MEGF11: variants seen among roughly 807,000 people sequenced by gnomAD.
The protein encoded by MEGF11 is multiple EGF like domains 11.
In MEGF11, 126 loss-of-function variants were observed where a neutral mutation model predicts 146.6. The ratio of observed to expected loss-of-function variants is 0.86; its 90% CI spans 0.74 to 1.00. The LOEUF is 1.00. Ranked by LOEUF, MEGF11 falls within the 50% of genes least tolerant of loss-of-function variation. The pLI is 0.00. For synonymous variants in MEGF11, 532 were observed against 583.4 expected (o/e 0.91, Z 1.27); for missense variants, 1,509 against 1,521.2 (o/e 0.99, Z 0.13).
At chr15:66,102,903 A>G (rs567293766) in intron 4 of MEGF11, among the ~76,000 whole-genome samples, 2 of 152,336 alleles carry the variant, frequency 1.3e-5, no homozygotes, top group South Asian at 4.1e-4. Flanking sequence ...GGATAATAAG[A>G]GCTGACACTC....
chr15:66,023,483 C>T (rs530642459), intron 5 of MEGF11, among the ~76,000 whole-genome samples: 1 of 152,202 alleles, frequency 6.6e-6, no homozygotes, highest in Admixed American at 6.5e-5. Flanking sequence ...GGTGTGAGGA[C>T]GTCAGCCAAG....
At position 66,127,449 on chromosome 15, in the gene MEGF11, G is replaced by T. The variant is rs1236558638; in HGVS notation, c.98+857C>A. The stretch of plus-strand genomic sequence containing the variant: ...GGTGCCTTTCCCTGCCCTAGGGCTG[G>T]GCTATCCACCCTCATGGGCATGAAG... On this transcript the variant is annotated intron_variant, in intron 2 of 25. Coordinates refer to ENST00000395614, the MANE Select transcript of MEGF11 (RefSeq NM_001385028.1). 2.0e-5 allele frequency among the ~76,000 whole-genome samples: 3 copies of T among 152,156 alleles called. No individual in the cohort carries two copies. The East Asian group carries it at 5.8e-4, about 29-fold the overall frequency.
chr15:66,205,785 G>GC (rs1025983136), intron 1 of MEGF11, among the ~76,000 whole-genome samples: 6 of 152,298 alleles, frequency 3.9e-5, no homozygotes, highest in Admixed American at 2.0e-4. Context: ...TAACAAAGCA[G>GC]CCCCACCTCC....
At chr15:65,976,896 A>G (rs910466854) in intron 7 of MEGF11, among the ~76,000 whole-genome samples, 6 of 152,214 alleles carry the variant, frequency 3.9e-5, no homozygotes, top group African/African-American at 1.2e-4. Flanking sequence ...GCTCATGCCT[A>G]TACTCCCAGC....
chr15:65,924,229 C>A (rs2079280168), intron 13 of MEGF11, among the ~76,000 whole-genome samples: 1 of 151,950 alleles, frequency 6.6e-6, no homozygotes. Flanking sequence ...GAGGGAGATG[C>A]AACAGGCTTT....
At chr15:66,004,427 T>C (rs1238477466) in intron 5 of MEGF11, among the ~76,000 whole-genome samples, 1 of 13,488 alleles carries the variant, frequency 7.4e-5, no homozygotes, top group Non-Finnish European at 3.7e-4. Context: ...TTTTGTAATA[T>C]TTTCTTTTCT....
At chr15:65,931,281 G>A (rs909676313) in intron 10 of MEGF11, among the ~76,000 whole-genome samples, 3 of 152,168 alleles carry the variant, frequency 2.0e-5, no homozygotes, top group Admixed American at 6.5e-5. Context: ...AAGGGGCCAC[G>A]AGCTGAGGAA....
At chr15:66,166,532 C>T (rs1331974747) in intron 1 of MEGF11, among the ~76,000 whole-genome samples, 1 of 152,160 alleles carries the variant, frequency 6.6e-6, no homozygotes, top group Non-Finnish European at 1.5e-5. Flanking sequence ...CATTCACAAC[C>T]GGGATAAACC....
intron 1 of MEGF11, among the ~76,000 whole-genome samples, chr15:66,144,237 G>A (rs1403129458): frequency 6.6e-6 from 1 of 152,134 alleles, no homozygotes; most frequent in Non-Finnish European, 1.5e-5. Context: ...CTAGGTGTGG[G>A]TGGAGCTGGG....
intron 1 of MEGF11, among the ~76,000 whole-genome samples, chr15:66,216,726 T>C (rs772007633): frequency 1.3e-5 from 2 of 152,150 alleles, no homozygotes; most frequent in Admixed American, 6.6e-5. Flanking sequence ...AATGGACGTA[T>C]CTCAGGCTGG....
At chr15:66,121,227 G>A (rs1283173171) in intron 3 of MEGF11, among the ~76,000 whole-genome samples, 2 of 152,186 alleles carry the variant, frequency 1.3e-5, no homozygotes, top group Non-Finnish European at 2.9e-5. Context: ...AGCAAACTTG[G>A]CTCTCCCACT....
intron 4 of MEGF11, among the ~76,000 whole-genome samples, chr15:66,110,849 G>A (rs1296135829): frequency 1.3e-5 from 2 of 152,028 alleles, no homozygotes; most frequent in Non-Finnish European, 2.9e-5. Flanking sequence ...CACCCCCCAT[G>A]CCCTCTTGGC....
chr15:66,137,301 T>C (rs1269006743), intron 1 of MEGF11, among the ~76,000 whole-genome samples: 2 of 152,164 alleles, frequency 1.3e-5, no homozygotes, highest in Admixed American at 1.3e-4. Context: ...ATCACTATAG[T>C]CAGAAAAGCA....
chr15:66,016,478 AG>A (rs1204234732), intron 5 of MEGF11, among the ~76,000 whole-genome samples: 2 of 79,960 alleles, frequency 2.5e-5, no homozygotes, highest in East Asian at 7.6e-4. Flanking sequence ...CCATCCATTC[AG>A]TTTTTTTTTT....
At chr15:66,201,097 G>A (rs2091146530) in intron 1 of MEGF11, among the ~76,000 whole-genome samples, 1 of 152,232 alleles carries the variant, frequency 6.6e-6, no homozygotes, top group Non-Finnish European at 1.5e-5. Flanking sequence ...GGTCTCCAAA[G>A]GACCAGCCCT....
intron 3 of MEGF11, 36 bp downstream of exon 3, chr15:66,123,863 C>A (rs769043607): frequency 1.3e-5 from 21 of 1,571,690 alleles, no homozygotes. Flanking sequence ...AGCCCAGTGC[C>A]TTTTCCCTGC....
intron 1 of MEGF11, among the ~76,000 whole-genome samples, chr15:66,134,830 G>A (rs1033272286): frequency 1.6e-4 from 24 of 152,272 alleles, no homozygotes; most frequent in African/African-American, 5.5e-4. Flanking sequence ...CAGAACTGGT[G>A]CCGAGAAAAA....
intron 8 of MEGF11, among the ~76,000 whole-genome samples, chr15:65,969,062 CCCTTGGCTTTAGGGGTT>C (rs2081213315): frequency 6.6e-6 from 1 of 152,122 alleles, no homozygotes; most frequent in Non-Finnish European, 1.5e-5. Flanking sequence ...GCTGGAGGGC[CCCTTGGCTTTAGGGGTT>C]CCTCTCTGCC....
chr15:65,971,528 AG>A (rs1371032037), intron 7 of MEGF11, among the ~76,000 whole-genome samples: 1 of 152,186 alleles, frequency 6.6e-6, no homozygotes, highest in Non-Finnish European at 1.5e-5. Context: ...GCACAGATGA[AG>A]GTGGGGGTGG....
Sources: allele counts gnomAD v4.1 joint callset (sites outside exome capture counted in the v4.1 genomes callset), GRCh38; gene constraint gnomAD v4.1.1; transcripts MANE v1.5; gene names NCBI Gene and HGNC (gene_info 2026-07-23, HGNC 2026-07-21).